The following CC2D2A variants were observed in gnomAD, a reference collection of about 807,000 sequenced individuals.
The protein encoded by CC2D2A is coiled-coil and C2 domain-containing protein 2A.
A neutral mutation model predicts 212.9 loss-of-function variants in CC2D2A; 155 were observed. The observed-to-expected ratio is 0.73, with a 90% CI of 0.64 to 0.83. The LOEUF (loss-of-function observed/expected upper bound fraction) is 0.83. Ranked by LOEUF, CC2D2A falls within the 40% of genes least tolerant of loss-of-function variation. CC2D2A has a pLI of 0.00. For missense variants in CC2D2A, 1,856 were observed against 1,956.2 expected (o/e 0.95, Z 0.97); for synonymous variants, 667 against 686.5 (o/e 0.97, Z 0.44).
rs553489865 is a variant in CC2D2A at position 15,587,767 on chromosome 4, A to G, written c.4066-49A>G. 4.1e-5 allele frequency: 41 copies of G among 988,024 alleles called. No homozygotes were observed. In the East Asian group the frequency reaches 8.8e-4, roughly 21 times the overall value. 61.2% of individuals were successfully genotyped at this position (988,024 alleles called of 1,614,324 possible). ...TATTAGAATCCTGCACAACCAATCCAGAATAAAGCATTGAGTCATACAACA... is the reference window on the plus strand; with the variant it reads ...TATTAGAATCCTGCACAACCAATCCGGAATAAAGCATTGAGTCATACAACA... On this transcript the variant is annotated intron_variant, in intron 31 of 36. Coordinates refer to ENST00000424120, the MANE Select transcript of CC2D2A (RefSeq NM_001378615.1).
At chr4:15,480,660 A>G (rs759899161) in intron 3 of CC2D2A, 44 bp from the exon 4 acceptor site, 3 of 1,582,708 alleles carry the variant, frequency 1.9e-6, no homozygotes, top group Non-Finnish European at 2.6e-6. Context: ...ACAGACTCAA[A>G]TAAAGTCCTG....
chr4:15,558,739 A>G (rs1485666215), intron 21 of CC2D2A, among the ~76,000 whole-genome samples: 2 of 152,098 alleles, frequency 1.3e-5, no homozygotes, highest in Non-Finnish European at 2.9e-5. Flanking sequence ...CTGAGCAGAC[A>G]AAGCCAGATG....
At position 15,504,623 on chromosome 4, in the gene CC2D2A, A is replaced by G. The variant is rs1716153324; in HGVS notation, c.438+1700A>G. On this transcript the variant is annotated intron_variant, in intron 6 of 36. Transcript: ENST00000424120. ...ATGGGCCACAAATACTGATATCTCA[A>G]ATAAAGCTGGAAGTTGTAGAAGTAA... Among the ~76,000 whole-genome samples the G allele has an allele frequency of 3.3e-5, 5 of 152,312 alleles. No individual in the cohort carries two copies. The South Asian group carries it at 1.0e-3, about 32-fold the overall frequency.
intron 24 of CC2D2A, among the ~76,000 whole-genome samples, chr4:15,565,454 C>G (rs1481031601): frequency 1.3e-5 from 2 of 149,932 alleles, no homozygotes; most frequent in Non-Finnish European, 2.9e-5. Flanking sequence ...GACCATCCCT[C>G]TAGTCTAATA....
chr4:15,472,406 A>G (rs1173309333), intron 1 of CC2D2A, among the ~76,000 whole-genome samples: 1 of 152,190 alleles, frequency 6.6e-6, no homozygotes, highest in Non-Finnish European at 1.5e-5. Context: ...ATGATGGCAA[A>G]CTGCATATTA....
At chr4:15,526,640 A>T (rs1717525319) in intron 11 of CC2D2A, among the ~76,000 whole-genome samples, 1 of 152,228 alleles carries the variant, frequency 6.6e-6, no homozygotes, top group African/African-American at 2.4e-5. Context: ...AGGAAGGATC[A>T]AGTGATGTCT....
chr4:15,599,967 C>A (rs1721510329), intron 36 of CC2D2A, among the ~76,000 whole-genome samples: 1 of 152,080 alleles, frequency 6.6e-6, no homozygotes, highest in African/African-American at 2.4e-5. Flanking sequence ...ATGAAAACAT[C>A]TGGCTAAATC....
intron 6 of CC2D2A, among the ~76,000 whole-genome samples, chr4:15,507,344 T>C (rs184587360): frequency 3.3e-5 from 5 of 152,310 alleles, no homozygotes; most frequent in Admixed American, 1.3e-4. Context: ...GATATTATGA[T>C]AGATTATACC....
At chr4:15,476,387 A>C (rs1714213768) in intron 2 of CC2D2A, among the ~76,000 whole-genome samples, 1 of 152,248 alleles carries the variant, frequency 6.6e-6, no homozygotes, top group Non-Finnish European at 1.5e-5. Context: ...TTAGGCTTTC[A>C]TTTAGTTTAC....
chr4:15,600,485 G>A lies in CC2D2A; in HGVS notation c.4675-752G>A, dbSNP rs1258967745. 3.3e-5 allele frequency among the ~76,000 whole-genome samples: 5 copies of A among 152,086 alleles called. No individual in the cohort carries two copies. In the South Asian group the frequency reaches 6.2e-4, roughly 19 times the overall value. ...GAACACTTACAGAATTCACATCTGC[G>A]CACATACTACCCAAAGCAGGAGAAC... On this transcript the variant is annotated intron_variant, in intron 36 of 36. Transcript: ENST00000424120.
rs1181395692 is a variant in CC2D2A, at chr4:15,560,630, TAATC to T, written c.3014+11_3014+14del. 3.5e-6 allele frequency: 4 copies of T among 1,152,258 alleles called. No individual in the cohort carries two copies. The highest frequency in any genetic ancestry group is 2.4e-5 in the East Asian group (1 of 40,848). 71.4% of individuals were successfully genotyped at this position (1,152,258 alleles called of 1,614,324 possible). On this transcript the variant is annotated intron_variant, in intron 23 of 36. Coordinates refer to ENST00000424120, the MANE Select transcript of CC2D2A (RefSeq NM_001378615.1). The stretch of plus-strand genomic sequence containing the variant: ...AGAAGTTCCCAATATCAGGTAAAAA[TAATC>T]AAAGCCATTATTATCAATTCTTATA...
chr4:15,601,367 A>G lies in CC2D2A; in HGVS notation c.4805A>G (p.Tyr1602Cys). 6.3e-7 allele frequency: 1 copy of G among 1,587,290 alleles called. No homozygotes were observed. Among genetic ancestry groups the G allele is most frequent in the Non-Finnish European group, 8.6e-7 (1 of 1,164,396 alleles). ...GCTTTAGCTGTATACATACACCCAT[A>G]CCCCAAAAATGTTTTGTCTGTTTGG... Reference protein sequence around the residue: ...EFALAVYIHPYPKNVLSVWIY... With the variant: ...EFALAVYIHPCPKNVLSVWIY... Residue 1602 changes from tyrosine (Y) to cysteine (C), a missense_variant, in exon 37 of 37, where the codon TAC (tyrosine) becomes TGC (cysteine). By Grantham distance (194) the Tyr-to-Cys change is radical (BLOSUM62 -2). Coordinates refer to ENST00000424120, the MANE Select transcript of CC2D2A (RefSeq NM_001378615.1).
chr4:15,496,382 T>G (rs1715617692), intron 4 of CC2D2A, among the ~76,000 whole-genome samples: 1 of 152,192 alleles, frequency 6.6e-6, no homozygotes, highest in South Asian at 2.1e-4. Context: ...ATTTAAGTCT[T>G]TAATCCATCT....
chr4:15,480,577 G>C, intron 3 of CC2D2A, 127 bp from the exon 4 acceptor site: 1 of 1,036,266 alleles, frequency 9.7e-7, no homozygotes. Context: ...AGGTGACAGA[G>C]ACTGTGGTTA....
At chr4:15,599,981 T>C (rs1285667217) in intron 36 of CC2D2A, among the ~76,000 whole-genome samples, 1 of 152,212 alleles carries the variant, frequency 6.6e-6, no homozygotes, top group Non-Finnish European at 1.5e-5. Context: ...CTAAATCATG[T>C]TAGACACAAC....
chr4:15,497,415 T>C (rs1715681177), intron 4 of CC2D2A, among the ~76,000 whole-genome samples: 1 of 152,220 alleles, frequency 6.6e-6, no homozygotes, highest in African/African-American at 2.4e-5. Context: ...GCACTGGGAA[T>C]GGAGAGGCAG....
intron 32 of CC2D2A, among the ~76,000 whole-genome samples, chr4:15,588,557 A>T (rs1720954918): frequency 6.6e-6 from 1 of 152,054 alleles, no homozygotes; most frequent in Admixed American, 6.6e-5. Context: ...AGTTTATCCA[A>T]AGAGGCCACA....
intron 4 of CC2D2A, among the ~76,000 whole-genome samples, chr4:15,501,901 T>G (rs915223709): frequency 6.6e-6 from 1 of 152,298 alleles, no homozygotes; most frequent in East Asian, 1.9e-4. Context: ...TTCAATAATA[T>G]ACACAAAATG....
At position 15,514,707 on chromosome 4, in the gene CC2D2A, G is replaced by T. The variant is rs772444906; in HGVS notation, c.718G>T (p.Asp240Tyr). Reference protein sequence around the residue: ...PPAQGGGKEMDEEELLNGDDA... With the variant: ...PPAQGGGKEMYEEELLNGDDA... ...CTTGTTACTTTTTAACATTATGCAG[G>T]ATGAGGAAGAACTGCTTAATGGTGA... Residue 240 changes from aspartate (D) to tyrosine (Y), a missense_variant and splice_region_variant, in exon 9 of 37, where the codon GAT (aspartate) becomes TAT (tyrosine). Coordinates refer to ENST00000424120, the MANE Select transcript of CC2D2A (RefSeq NM_001378615.1). 21 of 1,526,460 alleles carry T rather than the reference G, an allele frequency of 1.4e-5. No individual in the cohort carries two copies. The highest frequency in any genetic ancestry group is 1.8e-5 in the Non-Finnish European group (20 of 1,128,112). The allele number at this position is 1,526,460 out of a possible 1,614,324, so 94.6% of individuals were successfully genotyped here.
Sources: allele counts gnomAD v4.1 joint callset (sites outside exome capture counted in the v4.1 genomes callset), GRCh38; gene constraint gnomAD v4.1.1; transcripts MANE v1.5; gene names NCBI Gene and HGNC (gene_info 2026-07-23, HGNC 2026-07-21).